Variants in CRB1 observed in about 807,000 individuals in gnomAD.
CRB1 encodes protein crumbs homolog 1.
A neutral mutation model predicts 120.0 loss-of-function variants in CRB1; 83 were observed. That is an observed-to-expected ratio of 0.69 (90% confidence interval 0.58 to 0.83). CRB1 has a LOEUF of 0.83. Among genes scored for constraint, CRB1 ranks in the 40% least tolerant of loss-of-function variants. The probability of loss-of-function intolerance (pLI) is 0.00; values close to 1 mark genes in which losing one functional copy is unlikely to be tolerated. For synonymous variants in CRB1, 625 were observed against 612.5 expected, an observed-to-expected ratio of 1.02 and a Z score of -0.30; for missense variants, 1,699 against 1,687.6, an observed-to-expected ratio of 1.01 and a Z score of -0.12.
Position 197,328,649 on chromosome 1 carries a change from C to T in CRB1, c.298C>T (p.Pro100Ser), listed in dbSNP as rs1404279052. 1.2e-6 allele frequency: 2 copies of T among 1,614,156 alleles called. No homozygotes were observed. Among genetic ancestry groups the T allele is most frequent in the East Asian group, 4.5e-5 (2 of 44,880 alleles). Residue 100 changes from proline to serine, a missense_variant, in exon 2 of 12, where the codon CCT becomes TCT. By Grantham distance (74) the Pro-to-Ser change is moderately conservative. Transcript: ENST00000367400. ...AAGGAGCTTTCTGTGCAAATGTCCT[C>T]CTGGGTACAGTGGGACAATCTGTGA... Reference protein sequence around the residue: ...GERSFLCKCPPGYSGTICETT... With the variant: ...GERSFLCKCPSGYSGTICETT...
the CRB1 span, among the ~76,000 whole-genome samples, chr1:197,215,911 T>C: frequency 2.0e-5 from 3 of 152,246 alleles, no homozygotes; most frequent in Non-Finnish European, 4.4e-5. Flanking sequence ...TAACTAGGTC[T>C]CAATTTAATC....
At chr1:197,474,550 C>A (rs575776330) in intron 11 of CRB1, among the ~76,000 whole-genome samples, 5 of 152,214 alleles carry the variant, frequency 3.3e-5, no homozygotes, top group Non-Finnish European at 7.3e-5. Flanking sequence ...GAGGTACTAA[C>A]AAGGACTCGG....
chr1:197,347,420 G>A lies in CRB1; in HGVS notation c.929G>A (p.Cys310Tyr), dbSNP rs779835125. Residue 310 changes from cysteine to tyrosine, a missense_variant, in exon 4 of 12, where the codon TGT (cysteine) becomes TAT (tyrosine). Physicochemically the swap from Cys to Tyr is radical, Grantham distance 194. Coordinates refer to ENST00000367400, the MANE Select transcript of CRB1 (RefSeq NM_201253.3). ...ATGCCTCTTTGTTGGTCAAAACCTT[G>A]TCACAATAATGCTACATGTGAGGAC... The part of the protein sequence containing the change: ...TLMPLCWSKP[C>Y]HNNATCEDSV... 1.9e-6 allele frequency: 3 copies of A among 1,613,966 alleles called. No homozygotes were observed. Among genetic ancestry groups the A allele is most frequent in the Non-Finnish European group, 2.5e-6 (3 of 1,179,958 alleles).
intron 4 of CRB1, among the ~76,000 whole-genome samples, chr1:197,350,347 TA>T (rs1180591408): frequency 3.9e-5 from 6 of 152,256 alleles, no homozygotes; most frequent in Admixed American, 2.0e-4. Flanking sequence ...TTATGAAAAG[TA>T]AAATTGTAAA....
intron 5 of CRB1, among the ~76,000 whole-genome samples, chr1:197,415,563 T>C (rs1663936928): frequency 6.6e-6 from 1 of 152,160 alleles, no homozygotes; most frequent in South Asian, 2.1e-4. Context: ...TCGATGAGTG[T>C]TTTGTTTATT....
the CRB1 span, among the ~76,000 whole-genome samples, chr1:197,214,327 T>G: frequency 6.6e-6 from 1 of 152,122 alleles, no homozygotes; most frequent in Non-Finnish European, 1.5e-5. Context: ...ATATATACAG[T>G]CTGCCCTCCA....
chr1:197,278,684 A>C (rs7548481), intron 1 of CRB1, among the ~76,000 whole-genome samples: 1 of 151,824 alleles, frequency 6.6e-6, no homozygotes, highest in African/African-American at 2.4e-5. Flanking sequence ...TTTGGAACAA[A>C]TAATGTTTTC....
intron 11 of CRB1, among the ~76,000 whole-genome samples, chr1:197,454,330 A>C (rs1666177575): frequency 6.6e-6 from 1 of 152,176 alleles, no homozygotes; most frequent in Admixed American, 6.5e-5. Flanking sequence ...TAAATAAAAT[A>C]AGAAATTGTT....
rs941794811 is a variant in CRB1, at chr1:197,453,876, AAT to A, written c.4005+11591_4005+11592del. ...ATTAATATATATTAATATTATTAATAATATATATTATTAATATTATTATATTA... is the reference window on the plus strand; with the variant it reads ...ATTAATATATATTAATATTATTAATAATATATTATTAATATTATTATATTA... On this transcript the variant is annotated intron_variant, in intron 11 of 11. Transcript: ENST00000367400. Among the ~76,000 whole-genome samples, 17 of 141,456 alleles carry A rather than the reference AAT, an allele frequency of 1.2e-4. 1 individual carries two copies. Among genetic ancestry groups the A allele is most frequent in the South Asian group, 4.2e-4 (2 of 4,712 alleles). The allele number at this position is 141,456 out of a possible 152,430, so 92.8% of individuals were successfully genotyped here.
At chr1:197,347,913 T>A (rs996801641) in intron 4 of CRB1, among the ~76,000 whole-genome samples, 18 of 152,148 alleles carry the variant, frequency 1.2e-4, no homozygotes, top group Admixed American at 5.2e-4. Flanking sequence ...AAAAGTTAAT[T>A]ATCTATAAAC....
chr1:197,447,691 A>G (rs961687713), intron 11 of CRB1, among the ~76,000 whole-genome samples: 2 of 152,020 alleles, frequency 1.3e-5, no homozygotes, highest in Non-Finnish European at 2.9e-5. Context: ...AAAAAAAGAA[A>G]AGAAAAAATA....
At chr1:197,358,437 A>G (rs1319021271) in intron 5 of CRB1, among the ~76,000 whole-genome samples, 1 of 152,244 alleles carries the variant, frequency 6.6e-6, no homozygotes, top group Non-Finnish European at 1.5e-5. Context: ...CTGCAGATCT[A>G]AAAGGAGAGA....
chr1:197,369,311 T>C (rs1404835483), intron 5 of CRB1, among the ~76,000 whole-genome samples: 1 of 152,112 alleles, frequency 6.6e-6, no homozygotes, highest in African/African-American at 2.4e-5. Context: ...TGTCTTCTGA[T>C]ATTAACACAG....
the CRB1 span, among the ~76,000 whole-genome samples, chr1:197,237,083 G>C: frequency 6.6e-6 from 1 of 151,792 alleles, no homozygotes; most frequent in Non-Finnish European, 1.5e-5. Context: ...GGCAGACATT[G>C]TAGAGAGTTT....
chr1:197,312,161 A>G (rs1026495986), intron 1 of CRB1, among the ~76,000 whole-genome samples: 4 of 152,214 alleles, frequency 2.6e-5, no homozygotes, highest in African/African-American at 9.6e-5. Flanking sequence ...ATACAAATAA[A>G]CCTTAGCAAG....
At chr1:197,289,377 C>T (rs1656030510) in intron 1 of CRB1, among the ~76,000 whole-genome samples, 1 of 151,544 alleles carries the variant, frequency 6.6e-6, no homozygotes, top group Non-Finnish European at 1.5e-5. Flanking sequence ...ATTTTGGTTC[C>T]TCTGCAGGTG....
intron 11 of CRB1, among the ~76,000 whole-genome samples, chr1:197,458,351 A>C (rs1666375535): frequency 6.6e-6 from 1 of 152,042 alleles, no homozygotes; most frequent in Admixed American, 6.6e-5. Flanking sequence ...AAGAACACTA[A>C]AGCTTATCTT....
rs188553312 is a variant in CRB1, at chr1:197,326,565, A to C, written c.71-1857A>C. The stretch of plus-strand genomic sequence containing the variant: ...AGAATCACTTGAGCCTGGGAGATGG[A>C]GGTTGCAGTGAGCTGAGATCATGCT... On this transcript the variant is annotated intron_variant, in intron 1 of 11. Coordinates refer to ENST00000367400, the MANE Select transcript of CRB1 (RefSeq NM_201253.3). 1.7e-3 allele frequency among the ~76,000 whole-genome samples: 260 copies of C among 152,170 alleles called. 4 individuals carry two copies. The East Asian group carries it at 0.048, about 28-fold the overall frequency.
Position 197,477,827 on chromosome 1 carries a change from G to A in CRB1, c.4169G>A (p.Arg1390Gln), listed in dbSNP as rs764581378. 2.5e-5 allele frequency: 40 copies of A among 1,613,752 alleles called. No individual in the cohort carries two copies. Among genetic ancestry groups the A allele is most frequent in the Non-Finnish European group, 2.9e-5 (34 of 1,179,892 alleles). The change falls in exon 12 of 12, where the codon CGA becomes CAA. Residue 1390 changes from arginine (R) to glutamine (Q), a missense_variant. By Grantham distance (43) the Arg-to-Gln change is conservative. Transcript: ENST00000367400. Reference sequence around the variant, plus strand: ...AGCCGTCAGGAGAAGGAGGGCTCCCGAGTGGAAATGTGGAACTTGATGCCA... The same window carrying A: ...AGCCGTCAGGAGAAGGAGGGCTCCCAAGTGGAAATGTGGAACTTGATGCCA... ...SPSRQEKEGS[R>Q]VEMWNLMPPP... is the part of the protein sequence containing the mutation.
Sources: allele counts gnomAD v4.1 joint callset (sites outside exome capture counted in the v4.1 genomes callset), GRCh38; gene constraint gnomAD v4.1.1; transcripts MANE v1.5; gene names NCBI Gene and HGNC (gene_info 2026-07-23, HGNC 2026-07-21).